The following SERINC2 variants were observed in gnomAD, a reference collection of about 807,000 sequenced individuals.
SERINC2 encodes the protein tumor differentially expressed protein 2.
In SERINC2, 56 loss-of-function variants were observed where a neutral mutation model predicts 54.2. The observed-to-expected ratio is 1.03, with a 90% CI of 0.83 to 1.29. SERINC2 has a LOEUF of 1.29. Ranked by LOEUF, SERINC2 falls within the 50% of genes most tolerant of loss-of-function variation. The probability of loss-of-function intolerance (pLI) is 0.00; values close to 1 mark genes in which losing one functional copy is unlikely to be tolerated. For synonymous variants in SERINC2, 272 were observed against 253.1 expected, an observed-to-expected ratio of 1.07 and a Z score of -0.71; for missense variants, 614 against 607.4, an observed-to-expected ratio of 1.01 and a Z score of -0.12.
intron 8 of SERINC2, among the ~76,000 whole-genome samples, chr1:31,432,093 C>CAGGGTGGAT (rs1641283141): frequency 6.6e-4 from 11 of 16,552 alleles, no homozygotes; most frequent in Non-Finnish European, 1.1e-3. Context: ...TTAGGGTGGA[C>CAGGGTGGAT]AGGGTGGACA....
chr1:31,428,907 G>A, intron 6 of SERINC2, 71 bp from the exon 7 acceptor site: 1 of 1,264,794 alleles, frequency 7.9e-7, no homozygotes, highest in Non-Finnish European at 1.2e-6. Flanking sequence ...TCCCTTGGCT[G>A]GTGTGAGTGG....
At chr1:31,433,406 C>T (rs551113483) in intron 9 of SERINC2, among the ~76,000 whole-genome samples, 7 of 152,220 alleles carry the variant, frequency 4.6e-5, no homozygotes, top group South Asian at 2.1e-4. Context: ...GAGACTGAAC[C>T]GGGGAAGGCA....
chr1:31,424,644 A>T, intron 2 of SERINC2, 39 bp from the exon 3 acceptor site: 1 of 1,499,334 alleles, frequency 6.7e-7, no homozygotes, highest in Non-Finnish European at 9.0e-7. Flanking sequence ...GGGTTCTGTG[A>T]GAGGTGGGGC....
intron 9 of SERINC2, among the ~76,000 whole-genome samples, chr1:31,433,520 GAGTGC>G (rs1455129665): frequency 2.6e-5 from 4 of 152,098 alleles, no homozygotes; most frequent in Non-Finnish European, 4.4e-5. Context: ...TCAGGGTGTG[GAGTGC>G]AGAACCAAAG....
chr1:31,417,986 A>G (rs1640820874), intron 1 of SERINC2, among the ~76,000 whole-genome samples: 2 of 148,962 alleles, frequency 1.3e-5, no homozygotes, highest in African/African-American at 2.5e-5. Flanking sequence ...CCTCCCGCGT[A>G]GCTGGGACTA....
chr1:31,413,039 G>A (rs1195052648), upstream of SERINC2: 1 of 625,118 alleles, frequency 1.6e-6, no homozygotes, highest in Non-Finnish European at 2.0e-6. The surrounding 1 kb of genome is among the most constrained non-coding windows in gnomAD (Gnocchi z 5.0). Flanking sequence ...CGCTCGCGTG[G>A]CCGCGGGAAT....
At position 31,425,318 on chromosome 1, in the gene SERINC2, C is replaced by G; in HGVS notation, c.393-12C>G. On this transcript the variant is annotated splice_polypyrimidine_tract_variant and intron_variant, in intron 3 of 9. Transcript: ENST00000373709. The stretch of plus-strand genomic sequence containing the variant: ...CTCAGCTTCCTTGTCCATTCCCCGA[C>G]CCCTTCTGTAGGTTTTGGTTCTTTA... 1 of 1,602,078 alleles carries G rather than the reference C, an allele frequency of 6.2e-7. No individual in the cohort carries two copies. The highest frequency in any genetic ancestry group is 8.6e-7 in the Non-Finnish European group (1 of 1,168,742).
At chr1:31,412,479 G>A (rs1328515485), upstream of SERINC2, among the ~76,000 whole-genome samples, 15 of 152,146 alleles carry the variant, frequency 9.9e-5, no homozygotes, top group African/African-American at 3.1e-4. Context: ...AGAGAAGGGA[G>A]GATGGGTTTA....
chr1:31,418,065 G>T lies in SERINC2; in HGVS notation c.39+4761G>T, dbSNP rs527274053. On this transcript the variant is annotated intron_variant, in intron 1 of 9. Transcript: ENST00000373709. ...GTAGAGATAGGGTTTCACCATGTTG[G>T]CCAGGCTGGTCTCGAACCCCTGACC... Among the ~76,000 whole-genome samples the T allele has an allele frequency of 3.3e-5, 5 of 152,102 alleles. No homozygotes were observed. The East Asian group carries it at 5.8e-4, about 18-fold the overall frequency.
Position 31,413,221 on chromosome 1 carries a change from C to T in SERINC2, c.-45C>T. Reference sequence around the variant, plus strand: ...CCCGGCACCCGGATCCCGAGGTCCGCGCCCCGCGCCCGGCGCCGGGCGCCC... The same window carrying T: ...CCCGGCACCCGGATCCCGAGGTCCGTGCCCCGCGCCCGGCGCCGGGCGCCC... On this transcript the variant is annotated 5_prime_UTR_variant, in exon 1 of 10. Coordinates refer to ENST00000373709, the MANE Select transcript of SERINC2 (RefSeq NM_178865.5). The surrounding 1 kb of genome is among the most constrained non-coding windows in gnomAD (Gnocchi z 5.0). 6 of 1,109,056 alleles carry T rather than the reference C, an allele frequency of 5.4e-6. No homozygotes were observed. Among genetic ancestry groups the T allele is most frequent in the Non-Finnish European group, 6.6e-6 (6 of 913,022 alleles). The allele number at this position is 1,109,056 out of a possible 1,614,324, so 68.7% of individuals were successfully genotyped here.
chr1:31,415,269 G>A (rs1640754403), intron 1 of SERINC2, among the ~76,000 whole-genome samples: 1 of 152,170 alleles, frequency 6.6e-6, no homozygotes, highest in Admixed American at 6.5e-5. Flanking sequence ...GGAAGAATTG[G>A]GAGATAACTT....
At chr1:31,429,259 C>T (rs1054241018) in intron 7 of SERINC2, 138 bp from the exon 8 acceptor site, 53 of 1,140,384 alleles carry the variant, frequency 4.6e-5, no homozygotes, top group South Asian at 2.8e-4. Context: ...GACTGCTGAG[C>T]GCTCTGTTGC....
At chr1:31,429,602 A>T in intron 8 of SERINC2, 64 bp downstream of exon 8, 1 of 1,502,344 alleles carries the variant, frequency 6.7e-7, no homozygotes, top group Non-Finnish European at 9.0e-7. Context: ...GAGTGAGGGG[A>T]GGGTGTGGGA....
intron 8 of SERINC2, among the ~76,000 whole-genome samples, chr1:31,432,177 G>A (rs1207166275): frequency 2.0e-5 from 3 of 148,142 alleles, no homozygotes; most frequent in Non-Finnish European, 3.0e-5. Context: ...GGGTGGATAG[G>A]GTGGATAGGG....
upstream of SERINC2, chr1:31,410,410 A>T: frequency 6.5e-7 from 1 of 1,548,516 alleles, no homozygotes; most frequent in East Asian, 2.4e-5. Flanking sequence ...CTGAGAGAGG[A>T]GGAGTCACCC....
rs1557501531 is a variant in SERINC2, at chr1:31,432,143, TGGACAGGGTGGAC to T, written c.1014-823_1014-811del. Among the ~76,000 whole-genome samples, 25 of 139,184 alleles carry T rather than the reference TGGACAGGGTGGAC, an allele frequency of 1.8e-4. 2 individuals are homozygous for T. Among genetic ancestry groups the T allele is most frequent in the East Asian group, 8.7e-4 (4 of 4,576 alleles). The allele number at this position is 139,184 out of a possible 152,430, so 91.3% of individuals were successfully genotyped here. A position where few individuals can be genotyped will look rare whatever the true frequency, so the allele number is the denominator to read the frequency against. ...GTTAGGGTGGATAGGGTGGACAGGG[TGGACAGGGTGGAC>T]AGGGTGGATAGGGTGGATAGGGTGG... On this transcript the variant is annotated intron_variant, in intron 8 of 9. Coordinates refer to ENST00000373709, the MANE Select transcript of SERINC2 (RefSeq NM_178865.5).
intron 8 of SERINC2, among the ~76,000 whole-genome samples, chr1:31,431,465 G>A (rs1553134456): frequency 6.6e-6 from 1 of 152,068 alleles, no homozygotes; most frequent in Non-Finnish European, 1.5e-5. Flanking sequence ...GACAGCCGGG[G>A]AGGAGGCCAT....
At position 31,431,795 on chromosome 1, in the gene SERINC2, A is replaced by ATAGGATGGT. The variant is rs1557499806; in HGVS notation, c.1014-1168_1014-1167insATGGTTAGG. 3.7e-3 allele frequency among the ~76,000 whole-genome samples: 185 copies of ATAGGATGGT among 49,724 alleles called. 13 individuals carry two copies. The highest frequency in any genetic ancestry group is 0.013 in the Middle Eastern group (1 of 76). 32.6% of individuals were successfully genotyped at this position (49,724 alleles called of 152,430 possible). A position where few individuals can be genotyped will look rare whatever the true frequency, so the allele number is the denominator to read the frequency against. ...AGGGTGAATAGGGTGGATAGGGTGGATAGGGTGGACAGGGTGGACAGGGTG... is the reference window on the plus strand; with the variant it reads ...AGGGTGAATAGGGTGGATAGGGTGGATAGGATGGTTAGGGTGGACAGGGTGGACAGGGTG... On this transcript the variant is annotated intron_variant, in intron 8 of 9. Transcript: ENST00000373709.
chr1:31,434,412 A>C lies in SERINC2; in HGVS notation c.*213A>C, dbSNP rs1476642303. Reference sequence around the variant, plus strand: ...TCCTGCAGAGCCCCATCCCCCCGCCACACCCACACGGTGGAGCTGCCTCTT... The same window carrying C: ...TCCTGCAGAGCCCCATCCCCCCGCCCCACCCACACGGTGGAGCTGCCTCTT... On this transcript the variant is annotated 3_prime_UTR_variant, in exon 10 of 10. Coordinates refer to ENST00000373709, the MANE Select transcript of SERINC2 (RefSeq NM_178865.5). 7 of 575,102 alleles carry C rather than the reference A, an allele frequency of 1.2e-5. No homozygotes were observed. The highest frequency in any genetic ancestry group is 2.2e-5 in the Non-Finnish European group (7 of 324,462). The allele number at this position is 575,102 out of a possible 1,614,324, so 35.6% of individuals were successfully genotyped here.
Sources: allele counts gnomAD v4.1 joint callset (sites outside exome capture counted in the v4.1 genomes callset), GRCh38; gene constraint gnomAD v4.1.1; non-coding constraint Gnocchi (gnomAD v3.1); transcripts MANE v1.5; gene names NCBI Gene and HGNC (gene_info 2026-07-23, HGNC 2026-07-21).